The following NXPE2 variants were observed in gnomAD, a reference collection of about 807,000 sequenced individuals.
The protein encoded by NXPE2 is NXPE family member 2.
A neutral mutation model predicts 34.4 loss-of-function variants in NXPE2; 34 were observed. The ratio of observed to expected loss-of-function variants is 0.99; its 90% CI spans 0.75 to 1.31. The LOEUF (loss-of-function observed/expected upper bound fraction) is 1.31. Among genes scored for constraint, NXPE2 ranks in the 40% most tolerant of loss-of-function variants. The pLI, the probability that NXPE2 is intolerant of heterozygous loss-of-function variation, is 0.00. For missense variants in NXPE2, 649 were observed against 672.5 expected (o/e 0.97, Z 0.39); for synonymous variants, 235 against 231.3 (o/e 1.02, Z -0.15).
chr11:114,630,100 G>T, the NXPE2 span, among the ~76,000 whole-genome samples: 1 of 151,666 alleles, frequency 6.6e-6, no homozygotes, highest in Non-Finnish European at 1.5e-5. Context: ...TACTGCCCAA[G>T]GTAATTTACA....
chr11:114,680,134 T>C (rs1326730154), intron 2 of NXPE2, among the ~76,000 whole-genome samples: 3 of 152,172 alleles, frequency 2.0e-5, no homozygotes, highest in Admixed American at 2.0e-4. Context: ...TTTCTTATTC[T>C]TTAAGTAGTT....
At chr11:114,758,918 C>T in the NXPE2 span, among the ~76,000 whole-genome samples, 1 of 150,832 alleles carries the variant, frequency 6.6e-6, no homozygotes, top group Admixed American at 6.6e-5. Context: ...TATATGTGTA[C>T]ATATAAAAAC....
At chr11:114,501,589 C>T in the NXPE2 span, among the ~76,000 whole-genome samples, 4 of 152,094 alleles carry the variant, frequency 2.6e-5, no homozygotes, top group African/African-American at 9.7e-5. Flanking sequence ...TTCTGCTGTT[C>T]AAATATAGTG....
the NXPE2 span, among the ~76,000 whole-genome samples, chr11:114,620,265 T>C: frequency 6.9e-6 from 1 of 144,572 alleles, no homozygotes; most frequent in East Asian, 2.2e-4. Context: ...CGTGGGTAAC[T>C]ACGGTTACCC....
chr11:114,516,498 T>C, the NXPE2 span, among the ~76,000 whole-genome samples: 1 of 152,220 alleles, frequency 6.6e-6, no homozygotes, highest in Non-Finnish European at 1.5e-5. Flanking sequence ...AATTTAATAC[T>C]ATGCTCTTGG....
chr11:114,569,369 C>T, the NXPE2 span, among the ~76,000 whole-genome samples: 1 of 151,248 alleles, frequency 6.6e-6, no homozygotes, highest in African/African-American at 2.4e-5. Flanking sequence ...ATTATAGGGA[C>T]CATTGTTATT....
At chr11:114,561,298 A>T in the NXPE2 span, among the ~76,000 whole-genome samples, 1 of 152,316 alleles carries the variant, frequency 6.6e-6, no homozygotes, top group South Asian at 2.1e-4. Context: ...ACTACTATTT[A>T]TGCATGGGAG....
chr11:114,616,561 G>A, the NXPE2 span, among the ~76,000 whole-genome samples: 1 of 151,526 alleles, frequency 6.6e-6, no homozygotes, highest in Non-Finnish European at 1.5e-5. Context: ...AAAAATTATT[G>A]CCTCATGGGT....
At chr11:114,507,758 C>T in the NXPE2 span, among the ~76,000 whole-genome samples, 1 of 151,758 alleles carries the variant, frequency 6.6e-6, no homozygotes, top group African/African-American at 2.4e-5. Flanking sequence ...AAATAAGAGC[C>T]ATATATGACA....
the NXPE2 span, among the ~76,000 whole-genome samples, chr11:114,648,441 C>T: frequency 6.6e-6 from 1 of 152,198 alleles, no homozygotes; most frequent in Non-Finnish European, 1.5e-5. Context: ...TTGTTCTATT[C>T]AGGCTTTCAC....
chr11:114,594,286 A>G, the NXPE2 span, among the ~76,000 whole-genome samples: 9 of 152,316 alleles, frequency 5.9e-5, no homozygotes, highest in East Asian at 1.5e-3. Flanking sequence ...AAAATATCTC[A>G]TCTACCCCAT....
chr11:114,639,779 AAATAT>A, the NXPE2 span, among the ~76,000 whole-genome samples: 1 of 127,886 alleles, frequency 7.8e-6, no homozygotes. Context: ...AAATAATATA[AAATAT>A]AATATATATT....
chr11:114,575,067 T>C, the NXPE2 span, among the ~76,000 whole-genome samples: 4 of 151,996 alleles, frequency 2.6e-5, no homozygotes, highest in Admixed American at 6.6e-5. Flanking sequence ...TGATACACCA[T>C]ATAAATAGAA....
At chr11:114,635,361 TG>T in the NXPE2 span, among the ~76,000 whole-genome samples, 3 of 150,554 alleles carry the variant, frequency 2.0e-5, no homozygotes, top group Admixed American at 6.6e-5. Flanking sequence ...GAGGAGATTT[TG>T]GGCTGAGACA....
At chr11:114,736,539 T>C in the NXPE2 span, among the ~76,000 whole-genome samples, 10 of 152,218 alleles carry the variant, frequency 6.6e-5, no homozygotes, top group African/African-American at 1.4e-4. Context: ...ATTGCTGTTA[T>C]CCTGTTCTTT....
the NXPE2 span, among the ~76,000 whole-genome samples, chr11:114,713,976 A>C: frequency 6.6e-6 from 1 of 152,262 alleles, no homozygotes; most frequent in Non-Finnish European, 1.5e-5. Flanking sequence ...AGATGCCAGG[A>C]ATGTATTCTT....
chr11:114,786,316 G>A, the NXPE2 span, among the ~76,000 whole-genome samples: 1 of 151,480 alleles, frequency 6.6e-6, no homozygotes, highest in South Asian at 2.1e-4. Flanking sequence ...AGAAGTAATT[G>A]GGTATTCAAA....
the NXPE2 span, among the ~76,000 whole-genome samples, chr11:114,565,093 G>A: frequency 1.3e-5 from 2 of 152,154 alleles, no homozygotes; most frequent in Admixed American, 1.3e-4. Context: ...CAGATGTCAG[G>A]ATTCTCCTAT....
In NXPE2 at chr11:114,705,862, T is replaced by C; in HGVS notation, c.1010T>C (p.Ile337Thr). Reference protein sequence around the residue: ...PSGYTLKKMWITAFCKQIKFN... With the variant: ...PSGYTLKKMWTTAFCKQIKFN... ...GGTTATACTTTGAAAAAAATGTGGA[T>C]TACAGCATTTTGTAAACAGATCAAG... The change falls in exon 5 of 6, where the codon ATT becomes ACT. Residue 337 changes from isoleucine to threonine, a missense_variant. By Grantham distance (89) the Ile-to-Thr change is moderately conservative. Transcript: ENST00000389586. 1.9e-6 allele frequency: 3 copies of C among 1,544,244 alleles called. No individual in the cohort carries two copies. Among genetic ancestry groups the C allele is most frequent in the Non-Finnish European group, 2.6e-6 (3 of 1,143,446 alleles).
Sources: gnomAD v4.1 joint callset for allele counts (sites outside exome capture counted in the v4.1 genomes callset) on GRCh38, gnomAD v4.1.1 for gene constraint, MANE v1.5 for transcripts, NCBI Gene and HGNC (gene_info 2026-07-23, HGNC 2026-07-21) for gene names.